Variants in SPECC1 observed in about 807,000 individuals in gnomAD.
SPECC1 encodes sperm antigen with calponin homology and coiled-coil domains 1, also known as cytospin-B.
Under a neutral mutation model 104.1 loss-of-function variants are expected in SPECC1, and 62 were observed. That is an observed-to-expected ratio of 0.60 (90% CI 0.49 to 0.74). The LOEUF (loss-of-function observed/expected upper bound fraction) is 0.74, where lower values mean the gene tolerates loss of function less well. Ranked by LOEUF, SPECC1 falls within the 30% of genes least tolerant of loss-of-function variation. SPECC1 has a pLI of 0.00. For missense variants in SPECC1, 1,306 were observed against 1,310.5 expected, an observed-to-expected ratio of 1.00 and a Z score of 0.05; for synonymous variants, 513 against 501.6, an observed-to-expected ratio of 1.02 and a Z score of -0.30.
At chr17:20,055,920 C>T (rs1044636155) in intron 1 of SPECC1, among the ~76,000 whole-genome samples, 1 of 152,204 alleles carries the variant, frequency 6.6e-6, no homozygotes, top group Non-Finnish European at 1.5e-5. Context: ...TTGGGAAGTG[C>T]TATGTGGGTC....
At chr17:20,286,635 A>G (rs1053075120) in intron 12 of SPECC1, among the ~76,000 whole-genome samples, 3 of 152,076 alleles carry the variant, frequency 2.0e-5, no homozygotes, top group African/African-American at 7.2e-5. Flanking sequence ...TTGCCCGGCC[A>G]CCCATGTCCC....
rs2142266733 is a variant in SPECC1, at chr17:20,314,177, A to G, written c.*112A>G. The G allele has an allele frequency of 4.5e-6, 4 of 879,388 alleles. No individual in the cohort carries two copies. The South Asian group carries it at 5.9e-5, about 13-fold the overall frequency. The allele number at this position is 879,388 out of a possible 1,614,324, so 54.5% of individuals were successfully genotyped here. A position where few individuals can be genotyped will look rare whatever the true frequency, so the allele number is the denominator to read the frequency against. ...CCCACCACCCAGCTGCCTAGACTTCAAAGACAGGCTCAATCCAAGTGGACC... is the reference window on the plus strand; with the variant it reads ...CCCACCACCCAGCTGCCTAGACTTCGAAGACAGGCTCAATCCAAGTGGACC... On this transcript the variant is annotated 3_prime_UTR_variant, in exon 15 of 15. Coordinates refer to ENST00000395527, the MANE Select transcript of SPECC1 (RefSeq NM_001243439.2).
intron 7 of SPECC1, among the ~76,000 whole-genome samples, chr17:20,241,973 G>C (rs2039221891): frequency 6.6e-6 from 1 of 152,210 alleles, no homozygotes; most frequent in Non-Finnish European, 1.5e-5. Context: ...GAGATTAACT[G>C]AAAGACCTGG....
intron 14 of SPECC1, among the ~76,000 whole-genome samples, chr17:20,311,373 A>G (rs1475440042): frequency 1.4e-5 from 2 of 146,296 alleles, no homozygotes; most frequent in South Asian, 2.1e-4. Flanking sequence ...CTTCCAGTAC[A>G]TTTTTTTTTT....
At chr17:20,206,044 G>C in intron 4 of SPECC1, 132 bp downstream of exon 4, 1 of 1,293,290 alleles carries the variant, frequency 7.7e-7, no homozygotes, top group Non-Finnish European at 1.1e-6. Flanking sequence ...ATTCCAGCTT[G>C]AAGGCCTGTT....
chr17:20,310,177 G>A (rs1252964184), intron 14 of SPECC1, among the ~76,000 whole-genome samples: 2 of 152,044 alleles, frequency 1.3e-5, no homozygotes, highest in South Asian at 2.1e-4. Flanking sequence ...CTTTGCTATT[G>A]TGACTAGCAC....
intron 3 of SPECC1, among the ~76,000 whole-genome samples, chr17:20,129,423 C>T (rs1248145602): frequency 2.7e-5 from 4 of 150,904 alleles, no homozygotes; most frequent in Non-Finnish European, 4.4e-5. Flanking sequence ...CTCCTGACCT[C>T]GTGATCTACG....
chr17:20,018,816 C>A (rs548186907), intron 1 of SPECC1, among the ~76,000 whole-genome samples: 1 of 152,216 alleles, frequency 6.6e-6, no homozygotes, highest in African/African-American at 2.4e-5. Context: ...GCTGTGACAA[C>A]GCATGTGAAA....
At chr17:20,296,294 T>G (rs1249113850) in intron 12 of SPECC1, among the ~76,000 whole-genome samples, 1 of 152,246 alleles carries the variant, frequency 6.6e-6, no homozygotes, top group Non-Finnish European at 1.5e-5. Context: ...TCCCCGTTGC[T>G]TGTTTTTGTC....
At chr17:20,251,237 A>T (rs1018592545) in intron 9 of SPECC1, among the ~76,000 whole-genome samples, 1 of 149,992 alleles carries the variant, frequency 6.7e-6, no homozygotes. Context: ...AAAAAAAAAA[A>T]AAAAGCATAT....
At chr17:20,112,356 C>T (rs1433028146) in intron 3 of SPECC1, 1 of 756,806 alleles carries the variant, frequency 1.3e-6, no homozygotes, top group Non-Finnish European at 2.5e-6. Context: ...TGTATTGACT[C>T]ATTGATTGAA....
At chr17:20,159,817 T>A (rs549333753) in intron 3 of SPECC1, among the ~76,000 whole-genome samples, 1 of 152,346 alleles carries the variant, frequency 6.6e-6, no homozygotes, top group Admixed American at 6.5e-5. Context: ...TCCTTCAGTT[T>A]CCAACCAGGT....
intron 3 of SPECC1, among the ~76,000 whole-genome samples, chr17:20,149,579 A>G (rs1314246477): frequency 6.6e-6 from 1 of 152,194 alleles, no homozygotes; most frequent in Non-Finnish European, 1.5e-5. Context: ...ACTGGGGGGA[A>G]ATTCATGGAA....
intron 2 of SPECC1, among the ~76,000 whole-genome samples, chr17:20,109,860 T>C (rs776947260): frequency 4.6e-5 from 7 of 152,204 alleles, no homozygotes; most frequent in Non-Finnish European, 1.0e-4. Context: ...TTATTTTTTA[T>C]TTAAAATTTT....
chr17:20,130,545 G>A (rs2049560442), intron 3 of SPECC1, among the ~76,000 whole-genome samples: 1 of 152,060 alleles, frequency 6.6e-6, no homozygotes, highest in Non-Finnish European at 1.5e-5. Context: ...TATTAAAAAA[G>A]AAAATATCAG....
At chr17:20,135,760 C>T (rs1282633313) in intron 3 of SPECC1, among the ~76,000 whole-genome samples, 1 of 152,166 alleles carries the variant, frequency 6.6e-6, no homozygotes, top group Non-Finnish European at 1.5e-5. Flanking sequence ...TCCCAACATA[C>T]ATTTAATAAT....
At chr17:20,048,529 C>T (rs1270244423) in intron 1 of SPECC1, among the ~76,000 whole-genome samples, 1 of 152,080 alleles carries the variant, frequency 6.6e-6, no homozygotes, top group Non-Finnish European at 1.5e-5. Flanking sequence ...AGGGTTGAGG[C>T]CCTTCTCTAC....
intron 1 of SPECC1, among the ~76,000 whole-genome samples, chr17:20,042,823 G>A (rs1357517761): frequency 6.6e-6 from 1 of 152,094 alleles, no homozygotes; most frequent in Non-Finnish European, 1.5e-5. Flanking sequence ...AAGACCCAGT[G>A]AACCCATCAC....
chr17:20,257,365 G>C, intron 10 of SPECC1, 86 bp from the exon 11 acceptor site: 1 of 1,423,750 alleles, frequency 7.0e-7, no homozygotes, highest in Non-Finnish European at 9.4e-7. Context: ...GATAAAATGA[G>C]AACTGTATTG....
Sources: allele counts gnomAD v4.1 joint callset (sites outside exome capture counted in the v4.1 genomes callset), GRCh38; gene constraint gnomAD v4.1.1; transcripts MANE v1.5; gene names NCBI Gene and HGNC (gene_info 2026-07-23, HGNC 2026-07-21).